The following BCL11A variants were observed in gnomAD, a reference collection of about 807,000 sequenced individuals.
BCL11A encodes BCL11 transcription factor A.
BCL11A carries 2 observed loss-of-function variants against 55.9 expected under a neutral mutation model. That is an observed-to-expected ratio of 0.04 (90% CI 0.01 to 0.11). BCL11A has a LOEUF of 0.11. BCL11A is among the 10% of genes least tolerant of loss of function. BCL11A has a pLI of 1.00. For missense variants in BCL11A, 817 were observed against 1,137.1 expected (o/e 0.72, Z 4.05); for synonymous variants, 465 against 473.4 (o/e 0.98, Z 0.23).
chr2:60,548,330 CTT>C (rs34428551), intron 1 of BCL11A, among the ~76,000 whole-genome samples: 19 of 135,038 alleles, frequency 1.4e-4, no homozygotes, highest in Admixed American at 3.0e-4. Context: ...CGTTAAGATT[CTT>C]TTTTTTTTTT....
chr2:60,516,947 T>C (rs1411276822), intron 2 of BCL11A, among the ~76,000 whole-genome samples: 2 of 152,140 alleles, frequency 1.3e-5, no homozygotes, highest in Non-Finnish European at 2.9e-5. Context: ...AATAGATCCA[T>C]GAGTTCAGGT....
intron 2 of BCL11A, among the ~76,000 whole-genome samples, chr2:60,518,848 C>T (rs766668196): frequency 5.3e-5 from 8 of 152,094 alleles, no homozygotes; most frequent in Non-Finnish European, 1.2e-4. Flanking sequence ...TGGTGTTGCT[C>T]GATGGGCAAA....
intron 2 of BCL11A, chr2:60,534,189 G>A (rs535712446): frequency 6.6e-6 from 1 of 152,272 alleles, no homozygotes; most frequent in Admixed American, 6.5e-5. Flanking sequence ...CGTGTACCTT[G>A]AGGGAGACAC....
chr2:60,463,098 G>A (rs1234304532), intron 3 of BCL11A, among the ~76,000 whole-genome samples: 2 of 152,206 alleles, frequency 1.3e-5, no homozygotes, highest in African/African-American at 2.4e-5. Flanking sequence ...CCAGACTGTG[G>A]GAGGATCAGT....
chr2:60,528,936 G>A (rs1669327529), intron 2 of BCL11A, among the ~76,000 whole-genome samples: 1 of 152,180 alleles, frequency 6.6e-6, no homozygotes, highest in South Asian at 2.1e-4. Context: ...TTCACAGAGA[G>A]GTGAAATGAT....
In BCL11A at chr2:60,458,601, GTTTT is replaced by G; in HGVS notation, c.*1799_*1802del. 1.2e-6 allele frequency: 1 copy of G among 849,792 alleles called. No individual in the cohort carries two copies. Among genetic ancestry groups the G allele is most frequent in the East Asian group, 7.3e-5 (1 of 13,790 alleles). 52.6% of individuals were successfully genotyped at this position (849,792 alleles called of 1,614,324 possible). On this transcript the variant is annotated 3_prime_UTR_variant, in exon 4 of 4. Transcript: ENST00000642384. ...AATAGTCAAGTAAATGGCTGGCAAA[GTTTT>G]TTTTTTTTTAGTTTTTAAAAAATGC... is the stretch of plus-strand genomic sequence containing the variant.
intron 2 of BCL11A, chr2:60,543,556 T>A (rs531364262): frequency 1.8e-4 from 27 of 152,246 alleles, no homozygotes; most frequent in African/African-American, 6.5e-4. Context: ...GGCCAGAGCG[T>A]CGGAATTTAT....
exon 5 of BCL11A, chr2:60,451,283 A>G (rs1204547782): frequency 4.4e-6 from 1 of 226,506 alleles, no homozygotes. Context: ...GATTTTCCCC[A>G]CTTAGGTTCA....
chr2:60,524,451 T>C (rs1669122854), intron 2 of BCL11A: 1 of 152,168 alleles, frequency 6.6e-6, no homozygotes, highest in Non-Finnish European at 1.5e-5. Flanking sequence ...CTAAACTTTA[T>C]GTTCCTTGTT....
downstream of BCL11A, chr2:60,452,547 A>C: frequency 4.4e-6 from 7 of 1,586,388 alleles, no homozygotes; most frequent in Non-Finnish European, 6.1e-6. Flanking sequence ...GCACGCGTCC[A>C]CCCCACCCCT....
intron 2 of BCL11A, among the ~76,000 whole-genome samples, chr2:60,477,363 A>G (rs959146096): frequency 2.6e-5 from 4 of 152,204 alleles, no homozygotes; most frequent in African/African-American, 9.6e-5. Flanking sequence ...TATCTGCATC[A>G]ACTCACAACA....
intron 2 of BCL11A, among the ~76,000 whole-genome samples, chr2:60,469,248 T>C (rs777543887): frequency 6.6e-6 from 1 of 152,232 alleles, no homozygotes; most frequent in Non-Finnish European, 1.5e-5. Context: ...CTTTACTTTA[T>C]AGACAAACCC....
chr2:60,508,645 TAGG>T (rs1679783465), intron 2 of BCL11A: 1 of 152,196 alleles, frequency 6.6e-6, no homozygotes, highest in South Asian at 2.1e-4. Context: ...GAAGCGTTGC[TAGG>T]AGAATGGACA....
chr2:60,522,271 C>T (rs999359447), intron 2 of BCL11A: 8 of 152,248 alleles, frequency 5.3e-5, no homozygotes, highest in Admixed American at 3.9e-4. Flanking sequence ...AAGTTGATCC[C>T]AGACGTCATA....
chr2:60,515,054 C>T (rs1013299352), intron 2 of BCL11A, among the ~76,000 whole-genome samples: 5 of 152,096 alleles, frequency 3.3e-5, no homozygotes, highest in Non-Finnish European at 5.9e-5. Flanking sequence ...GCTTCCCACA[C>T]CTCCAGGGGA....
chr2:60,520,987 T>C (rs1668953766), intron 2 of BCL11A, among the ~76,000 whole-genome samples: 1 of 152,006 alleles, frequency 6.6e-6, no homozygotes, highest in South Asian at 2.1e-4. Context: ...AAACCAAGTC[T>C]GGGAAACTAT....
chr2:60,479,678 A>C (rs748547544), intron 2 of BCL11A, among the ~76,000 whole-genome samples: 4 of 152,052 alleles, frequency 2.6e-5, no homozygotes, highest in Admixed American at 6.5e-5. Flanking sequence ...ACCGTCCTGT[A>C]CTCCTGCCCC....
In BCL11A at chr2:60,501,055, A is replaced by C. The variant is rs375751948; in HGVS notation, c.386-32222T>G. ...CGACCTCATGGTTGACTCACTCAGC[A>C]ACAGAGGTCTCCACAGGAGCCCTGC... On this transcript the variant is annotated intron_variant, in intron 2 of 3. Transcript: ENST00000642384. 5.3e-5 allele frequency among the ~76,000 whole-genome samples: 8 copies of C among 152,366 alleles called. No individual in the cohort carries two copies. In the South Asian group the frequency reaches 8.3e-4, roughly 16 times the overall value.
chr2:60,502,886 G>A (rs1409356350), intron 2 of BCL11A, among the ~76,000 whole-genome samples: 1 of 152,176 alleles, frequency 6.6e-6, no homozygotes, highest in Admixed American at 6.5e-5. Flanking sequence ...AAATGAGCTG[G>A]GGAAGGAGTG....
Sources: allele counts gnomAD v4.1 joint callset (sites outside exome capture counted in the v4.1 genomes callset), GRCh38; gene constraint gnomAD v4.1.1; transcripts MANE v1.5; gene names NCBI Gene and HGNC (gene_info 2026-07-23, HGNC 2026-07-21).